Variants in PTPRO observed in about 807,000 individuals in gnomAD.
PTPRO encodes protein tyrosine phosphatase receptor type O, also known as receptor-type tyrosine-protein phosphatase O.
In PTPRO, 62 loss-of-function variants were observed where a neutral mutation model predicts 145.2. The ratio of observed to expected loss-of-function variants is 0.43; its 90% CI spans 0.35 to 0.53. The LOEUF is 0.53. PTPRO is among the 20% of genes least tolerant of loss of function. The pLI is 0.01. For missense variants in PTPRO, 1,345 were observed against 1,482.7 expected (o/e 0.91, Z 1.53); for synonymous variants, 565 against 514.7 (o/e 1.10, Z -1.32).
chr12:15,577,830 A>G (rs1291952767), intron 19 of PTPRO, among the ~76,000 whole-genome samples: 2 of 151,238 alleles, frequency 1.3e-5, no homozygotes, highest in Non-Finnish European at 2.9e-5. Context: ...GTTCATATAG[A>G]CCACAATGTG....
intron 2 of PTPRO, among the ~76,000 whole-genome samples, chr12:15,493,904 T>A (rs1396122500): frequency 6.6e-6 from 1 of 152,168 alleles, no homozygotes; most frequent in Non-Finnish European, 1.5e-5. Flanking sequence ...TTGTGTAGGT[T>A]ATATAGTTGC....
At chr12:15,498,179 C>T (rs1238763450) in intron 3 of PTPRO, among the ~76,000 whole-genome samples, 1 of 152,144 alleles carries the variant, frequency 6.6e-6, no homozygotes, top group African/African-American at 2.4e-5. Flanking sequence ...AGCATGACAT[C>T]CAGGAAAATG....
chr12:15,436,941 C>A (rs1463557098), intron 1 of PTPRO, among the ~76,000 whole-genome samples: 2 of 152,100 alleles, frequency 1.3e-5, no homozygotes, highest in East Asian at 3.9e-4. Flanking sequence ...GCTTGGCAAT[C>A]TGGAACTGAT....
chr12:15,504,110 A>T (rs1565669572), intron 6 of PTPRO, 41 bp downstream of exon 6: 1 of 1,558,908 alleles, frequency 6.4e-7, no homozygotes, highest in South Asian at 1.1e-5. Context: ...CTGGGGAGCT[A>T]GAACAATGGA....
rs147606138 is a variant in PTPRO at position 15,581,298 on chromosome 12, C to CTTTTT, written c.3133-365_3133-361dup. 9.7e-4 allele frequency among the ~76,000 whole-genome samples: 119 copies of CTTTTT among 122,894 alleles called. 3 individuals carry two copies. Among genetic ancestry groups the CTTTTT allele is most frequent in the Non-Finnish European group, 1.4e-3 (86 of 62,044 alleles). The allele number at this position is 122,894 out of a possible 152,430, so 80.6% of individuals were successfully genotyped here. A position where few individuals can be genotyped will look rare whatever the true frequency, so the allele number is the denominator to read the frequency against. On this transcript the variant is annotated intron_variant, in intron 22 of 26. Coordinates refer to ENST00000281171, the MANE Select transcript of PTPRO (RefSeq NM_030667.3). ...CAATGTTATGCGTTCTGAGTGCTTT[C>CTTTTT]TTTTTTTTTTTTTTTTTTTTGAGAC... is the stretch of plus-strand genomic sequence containing the variant.
Position 15,524,964 on chromosome 12 carries a change from G to A in PTPRO, c.2042G>A (p.Ser681Asn), listed in dbSNP as rs749201177. ...VAEGKKKIKK[S>N]VTRNVMTAIL... is the part of the protein sequence containing the mutation. ...GAAGGAAAAAAGAAAATTAAAAAGAGTGTATGTTTCTTTGAATGCCAGCAT... is the reference window on the plus strand; with the variant it reads ...GAAGGAAAAAAGAAAATTAAAAAGAATGTATGTTTCTTTGAATGCCAGCAT... Residue 681 changes from serine to asparagine, a missense_variant and splice_region_variant, in exon 11 of 27, where the codon AGT becomes AAT. Ser to Asn is a conservative substitution (Grantham distance 46). Transcript: ENST00000281171. 1.9e-6 allele frequency: 3 copies of A among 1,613,834 alleles called. No homozygotes were observed. Among genetic ancestry groups the A allele is most frequent in the South Asian group, 1.1e-5 (1 of 91,076 alleles).
chr12:15,520,155 C>G, intron 9 of PTPRO, 46 bp from the exon 10 acceptor site: 1 of 1,330,812 alleles, frequency 7.5e-7, no homozygotes, highest in Non-Finnish European at 1.1e-6. Context: ...AAAAATAGTA[C>G]TTTCTCCCAC....
chr12:15,581,984 T>G (rs1241149708), intron 23 of PTPRO, among the ~76,000 whole-genome samples, 183 bp downstream of exon 23: 10 of 152,172 alleles, frequency 6.6e-5, no homozygotes, highest in Non-Finnish European at 4.4e-5. Context: ...CGAACAGAGA[T>G]TTACCCACAT....
chr12:15,529,813 G>A (rs1012170744), intron 12 of PTPRO, among the ~76,000 whole-genome samples: 9 of 152,006 alleles, frequency 5.9e-5, no homozygotes, highest in Admixed American at 2.0e-4. Flanking sequence ...TATGAAGAGA[G>A]GATTCTCAAA....
chr12:15,436,855 C>G (rs1198109370), intron 1 of PTPRO, among the ~76,000 whole-genome samples: 4 of 152,152 alleles, frequency 2.6e-5, no homozygotes, highest in Non-Finnish European at 4.4e-5. Context: ...GAATTGTGCT[C>G]TCTCCCATCA....
intron 1 of PTPRO, chr12:15,440,538 T>A (rs1940734283): frequency 6.1e-6 from 1 of 164,162 alleles, no homozygotes; most frequent in African/African-American, 2.4e-5. Flanking sequence ...TGGAGAAAGA[T>A]CTACCATGCA....
At position 15,322,941 on chromosome 12, in the gene PTPRO, G is replaced by C; in HGVS notation, c.75+140G>C. ...GAAGCGCCTGCCGTGCAGCCTGGGCGCACGCTTTGTTGTCCTCGCGTGTGC... is the reference window on the plus strand; with the variant it reads ...GAAGCGCCTGCCGTGCAGCCTGGGCCCACGCTTTGTTGTCCTCGCGTGTGC... On this transcript the variant is annotated intron_variant, in intron 1 of 26. Transcript: ENST00000281171. The surrounding 1 kb of genome is among the most constrained non-coding windows in gnomAD (Gnocchi z 6.3). 1 of 799,720 alleles carries C rather than the reference G, an allele frequency of 1.3e-6. No homozygotes were observed. Among genetic ancestry groups the C allele is most frequent in the South Asian group, 1.8e-5 (1 of 54,198 alleles). The allele number at this position is 799,720 out of a possible 1,614,324, so 49.5% of individuals were successfully genotyped here.
At chr12:15,368,955 G>C (rs921019525) in intron 1 of PTPRO, among the ~76,000 whole-genome samples, 2 of 152,162 alleles carry the variant, frequency 1.3e-5, no homozygotes, top group African/African-American at 4.8e-5. Context: ...ACTCCCGTGG[G>C]GGCTGTGAAA....
Position 15,551,207 on chromosome 12 carries a change from T to C in PTPRO, c.2438-344T>C, listed in dbSNP as rs78904874. On this transcript the variant is annotated intron_variant, in intron 14 of 26. Coordinates refer to ENST00000281171, the MANE Select transcript of PTPRO (RefSeq NM_030667.3). ...AGCTTGTGAAAATGTTAAAAAACGA[T>C]AATGCATGGTAATGACTTCCACATT... Among the ~76,000 whole-genome samples the C allele has an allele frequency of 1.4e-3, 210 of 152,298 alleles. 2 individuals are homozygous for C. The East Asian group carries it at 0.039, about 28-fold the overall frequency.
chr12:15,546,723 G>A lies in PTPRO; in HGVS notation c.2304+15G>A. ...CCAAACTTCAGGTACTGTACCTTTT[G>A]ATCTACCTTTTCTCAGTTAACTTAA... On this transcript the variant is annotated intron_variant, in intron 13 of 26. Transcript: ENST00000281171. The A allele has an allele frequency of 6.2e-7, 1 of 1,613,730 alleles. No individual in the cohort carries two copies. The highest frequency in any genetic ancestry group is 8.5e-7 in the Non-Finnish European group (1 of 1,179,806).
At chr12:15,522,590 T>C (rs1942748169) in intron 10 of PTPRO, among the ~76,000 whole-genome samples, 1 of 152,218 alleles carries the variant, frequency 6.6e-6, no homozygotes, top group Admixed American at 6.5e-5. Context: ...AATCTCATGC[T>C]TAACTTTCCT....
rs372193688 is a variant in PTPRO at position 15,439,585 on chromosome 12, G to A, written c.76-44389G>A. The A allele has an allele frequency of 1.4e-5, 4 of 279,094 alleles. No homozygotes were observed. In the East Asian group the frequency reaches 4.0e-4, roughly 28 times the overall value. The allele number at this position is 279,094 out of a possible 1,614,324, so 17.3% of individuals were successfully genotyped here. On this transcript the variant is annotated intron_variant, in intron 1 of 26. Transcript: ENST00000281171. ...GGAGGACTCGGGGGCCCTGGGATGG[G>A]GAACCACAGTGGCTTTCGTGGAGGT... is the stretch of plus-strand genomic sequence containing the variant.
chr12:15,435,558 C>CTT (rs34792603), intron 1 of PTPRO, among the ~76,000 whole-genome samples: 25 of 146,498 alleles, frequency 1.7e-4, no homozygotes, highest in African/African-American at 3.5e-4. Flanking sequence ...AGCAAAGCAC[C>CTT]TTTTTTTTTT....
In PTPRO at chr12:15,549,161, G is replaced by A. The variant is rs369569653; in HGVS notation, c.2372G>A (p.Cys791Tyr). The A allele has an allele frequency of 1.9e-6, 3 of 1,611,842 alleles. No individual in the cohort carries two copies. The highest frequency in any genetic ancestry group is 1.4e-5 in the African/African-American group (1 of 73,528). ...CTTCTTCCTGCCACTGCCTACAATT[G>A]TAGTGTCACCAGCTTTAGCCATGAC... is the stretch of plus-strand genomic sequence containing the variant. ...SSLLPATAYNCSVTSFSHDSP... is the reference protein window; with the variant it reads ...SSLLPATAYNYSVTSFSHDSP... Residue 791 changes from cysteine (C) to tyrosine (Y), a missense_variant, in exon 14 of 27, where the codon TGT becomes TAT. Coordinates refer to ENST00000281171, the MANE Select transcript of PTPRO (RefSeq NM_030667.3).
Sources: allele counts gnomAD v4.1 joint callset (sites outside exome capture counted in the v4.1 genomes callset), GRCh38; gene constraint gnomAD v4.1.1; non-coding constraint Gnocchi (gnomAD v3.1); transcripts MANE v1.5; gene names NCBI Gene and HGNC (gene_info 2026-07-23, HGNC 2026-07-21).